Variants in EPHB1 observed in about 807,000 individuals in gnomAD.
The protein encoded by EPHB1 is ephrin type-B receptor 1.
A neutral mutation model predicts 94.4 loss-of-function variants in EPHB1; 30 were observed. The observed-to-expected ratio is 0.32, with a 90% CI of 0.24 to 0.43. The LOEUF is 0.43. EPHB1 is among the 20% of genes least tolerant of loss of function. The pLI is 1.00. For missense variants in EPHB1, 1,055 were observed against 1,308.3 expected (o/e 0.81, Z 2.99); for synonymous variants, 522 against 489.1 (o/e 1.07, Z -0.89).
chr3:134,984,730 T>G (rs973380834), intron 3 of EPHB1, among the ~76,000 whole-genome samples: 2 of 151,942 alleles, frequency 1.3e-5, no homozygotes, highest in Admixed American at 1.3e-4. Context: ...CTTGCCACAT[T>G]AGAGGGATCA....
Position 134,795,473 on chromosome 3 carries a change from G to A in EPHB1, c.-159G>A, listed in dbSNP as rs2108280132. On this transcript the variant is annotated 5_prime_UTR_variant, in exon 1 of 16. Transcript: ENST00000398015. Reference sequence around the variant, plus strand: ...CACCGCCCCACGCGCACACACTCCTGCCCACGCCCACGCAGCGCTCCGGGA... The same window carrying A: ...CACCGCCCCACGCGCACACACTCCTACCCACGCCCACGCAGCGCTCCGGGA... The A allele has an allele frequency of 2.0e-5, 13 of 662,698 alleles. 1 individual carries two copies. In the South Asian group the frequency reaches 2.5e-4, roughly 13 times the overall value. The allele number at this position is 662,698 out of a possible 1,614,324, so 41.1% of individuals were successfully genotyped here. A position where few individuals can be genotyped will look rare whatever the true frequency, so the allele number is the denominator to read the frequency against.
At chr3:134,840,915 G>A (rs930541582) in intron 1 of EPHB1, among the ~76,000 whole-genome samples, 4 of 152,182 alleles carry the variant, frequency 2.6e-5, no homozygotes, top group African/African-American at 9.7e-5. Flanking sequence ...CTCACTTCTG[G>A]ATTGGCTCAT....
chr3:135,094,678 C>CCTCTT (rs1246249267), intron 3 of EPHB1, among the ~76,000 whole-genome samples: 52 of 152,350 alleles, frequency 3.4e-4, no homozygotes, highest in African/African-American at 1.2e-3. Flanking sequence ...TCCTGCTTTC[C>CCTCTT]CTCTTCTCTG....
At chr3:135,160,813 C>A (rs1016606377) in intron 6 of EPHB1, among the ~76,000 whole-genome samples, 2 of 152,086 alleles carry the variant, frequency 1.3e-5, no homozygotes, top group Admixed American at 1.3e-4. Flanking sequence ...AGAGAAGAGG[C>A]CTTGGGAAAC....
At chr3:135,013,658 C>A (rs1281642002) in intron 3 of EPHB1, among the ~76,000 whole-genome samples, 4 of 152,222 alleles carry the variant, frequency 2.6e-5, no homozygotes, top group Non-Finnish European at 5.9e-5. Context: ...CAGCTTGGAA[C>A]AACTTAGCTC....
Position 134,951,435 on chromosome 3 carries a change from T to A in EPHB1, c.188T>A (p.Val63Asp), listed in dbSNP as rs369668524. 1 of 1,609,704 alleles carries A rather than the reference T, an allele frequency of 6.2e-7. No individual in the cohort carries two copies. Among genetic ancestry groups the A allele is most frequent in the Non-Finnish European group, 8.5e-7 (1 of 1,177,388 alleles). ...NTIRTYQVCNVFEPNQNNWLL... is the reference protein window; with the variant it reads ...NTIRTYQVCNDFEPNQNNWLL... ...ATCCGCACCTACCAGGTGTGCAATG[T>A]CTTCGAGCCCAACCAGAACAATTGG... The change falls in exon 3 of 16, where the codon GTC becomes GAC. Residue 63 changes from valine to aspartate, a missense_variant. Val to Asp is a radical substitution (Grantham distance 152). Transcript: ENST00000398015. The surrounding 1 kb of genome is among the most constrained non-coding windows in gnomAD (Gnocchi z 4.5).
intron 12 of EPHB1, among the ~76,000 whole-genome samples, chr3:135,221,240 C>A (rs1943274506): frequency 6.6e-6 from 1 of 152,076 alleles, no homozygotes; most frequent in Non-Finnish European, 1.5e-5. Flanking sequence ...TGTGTTCTTC[C>A]CAATTTTCTT....
intron 3 of EPHB1, among the ~76,000 whole-genome samples, chr3:134,973,278 C>T (rs1425753627): frequency 6.6e-6 from 1 of 152,072 alleles, no homozygotes; most frequent in Admixed American, 6.6e-5. Context: ...ACAGTGAGAA[C>T]CTGATAGTGA....
intron 3 of EPHB1, among the ~76,000 whole-genome samples, chr3:135,018,763 T>C (rs192659815): frequency 2.0e-5 from 3 of 152,316 alleles, no homozygotes; most frequent in African/African-American, 7.2e-5. Context: ...ACATGTAGCC[T>C]AGCACTGTGT....
chr3:135,007,144 A>G (rs938369454), intron 3 of EPHB1, among the ~76,000 whole-genome samples: 3 of 152,156 alleles, frequency 2.0e-5, no homozygotes, highest in Non-Finnish European at 4.4e-5. Context: ...ACCTGCCTCA[A>G]CTTTATCATG....
At chr3:135,249,303 T>G (rs887014371) in intron 14 of EPHB1, 33 bp from the exon 15 acceptor site, 1 of 1,590,920 alleles carries the variant, frequency 6.3e-7, no homozygotes, top group East Asian at 2.2e-5. Context: ...ATCTCTGCAA[T>G]GTGTGGTCAC....
At chr3:134,937,506 G>A (rs1560305287) in intron 2 of EPHB1, among the ~76,000 whole-genome samples, 1 of 152,216 alleles carries the variant, frequency 6.6e-6, no homozygotes, top group Admixed American at 6.5e-5. Flanking sequence ...GCTGGCCCCA[G>A]CCAGCATGGC....
chr3:135,181,572 C>A (rs1310256661), intron 10 of EPHB1, among the ~76,000 whole-genome samples: 1 of 152,152 alleles, frequency 6.6e-6, no homozygotes, highest in African/African-American at 2.4e-5. Flanking sequence ...GTTGTTATGG[C>A]TTGTGGTAAT....
chr3:135,155,754 C>T (rs1314910363), intron 6 of EPHB1, among the ~76,000 whole-genome samples: 1 of 127,712 alleles, frequency 7.8e-6, no homozygotes, highest in Non-Finnish European at 1.6e-5. Context: ...CACACCACTG[C>T]ACTCCAGTGT....
chr3:135,253,530 C>T (rs1031225914), intron 15 of EPHB1, among the ~76,000 whole-genome samples: 9 of 151,402 alleles, frequency 5.9e-5, no homozygotes, highest in South Asian at 2.1e-4. Context: ...CGTAGATATG[C>T]GGCATTATTT....
rs187784739 is a variant in EPHB1, at chr3:134,853,056, G to T, written c.58+57367G>T. Among the ~76,000 whole-genome samples, 5 of 152,256 alleles carry T rather than the reference G, an allele frequency of 3.3e-5. No homozygotes were observed. In the East Asian group the frequency reaches 9.6e-4, roughly 29 times the overall value. Reference sequence around the variant, plus strand: ...AGAGGAAGCAAGTGGAGCCCGAGTCGGGAGGGAGAGAAAGAAAGAGAACAG... The same window carrying T: ...AGAGGAAGCAAGTGGAGCCCGAGTCTGGAGGGAGAGAAAGAAAGAGAACAG... On this transcript the variant is annotated intron_variant, in intron 1 of 15. Coordinates refer to ENST00000398015, the MANE Select transcript of EPHB1 (RefSeq NM_004441.5).
intron 3 of EPHB1, among the ~76,000 whole-genome samples, chr3:135,005,428 C>T (rs1935362106): frequency 6.6e-6 from 1 of 152,212 alleles, no homozygotes; most frequent in South Asian, 2.1e-4. Flanking sequence ...TGTGCCCTGC[C>T]CCCAGAGGTG....
chr3:134,953,322 A>AG (rs1476034183), intron 3 of EPHB1, among the ~76,000 whole-genome samples: 1 of 152,254 alleles, frequency 6.6e-6, no homozygotes, highest in Non-Finnish European at 1.5e-5. Flanking sequence ...AGCCTTCCTG[A>AG]GGCCTGCTGA....
In EPHB1 at chr3:134,971,358, G is replaced by A. The variant is rs150472230; in HGVS notation, c.805+19306G>A. 4.2e-3 allele frequency among the ~76,000 whole-genome samples: 644 copies of A among 152,282 alleles called. 18 individuals are homozygous for A. Among genetic ancestry groups the A allele is most frequent in the Admixed American group, 0.036 (544 of 15,302 alleles). On this transcript the variant is annotated intron_variant, in intron 3 of 15. Transcript: ENST00000398015. ...CTTTCCTCACCAGTGGCATCATTCT[G>A]CCCTTGGTCTTTCCAGTAGCAGGTA...
Sources: gnomAD v4.1 joint callset for allele counts (sites outside exome capture counted in the v4.1 genomes callset) on GRCh38, gnomAD v4.1.1 for gene constraint, Gnocchi (gnomAD v3.1) non-coding constraint, MANE v1.5 for transcripts, NCBI Gene and HGNC (gene_info 2026-07-23, HGNC 2026-07-21) for gene names.